Variants in KCNJ12 observed in about 807,000 individuals in gnomAD.
KCNJ12 encodes the protein ATP-sensitive inward rectifier potassium channel 12.
In KCNJ12, 2 loss-of-function variants were observed where a neutral mutation model predicts 22.3. The observed-to-expected ratio is 0.09, with a 90% CI of 0.04 to 0.28. KCNJ12 has a LOEUF of 0.28. KCNJ12 is among the 10% of genes least tolerant of loss of function. The probability of loss-of-function intolerance (pLI) is 1.00; values close to 1 mark genes in which losing one functional copy is unlikely to be tolerated. For synonymous variants in KCNJ12, 117 were observed against 261.4 expected (o/e 0.45, Z 5.33); for missense variants, 155 against 633.3 (o/e 0.24, Z 8.11).
chr17:21,403,800 TA>T (rs1244116340), intron 1 of KCNJ12, among the ~76,000 whole-genome samples: 1 of 152,312 alleles, frequency 6.6e-6, no homozygotes, highest in Non-Finnish European at 1.5e-5. Context: ...AGATAGGTGC[TA>T]TGATTAGTTC....
At chr17:21,378,957 C>T (rs1295303834) in intron 1 of KCNJ12, among the ~76,000 whole-genome samples, 6 of 152,164 alleles carry the variant, frequency 3.9e-5, no homozygotes, top group Non-Finnish European at 7.4e-5. Context: ...GGGGTATTGC[C>T]TAAAACCATG....
intron 1 of KCNJ12, among the ~76,000 whole-genome samples, chr17:21,391,185 C>T (rs1419901809): frequency 2.6e-5 from 4 of 152,244 alleles, no homozygotes; most frequent in African/African-American, 4.8e-5. Context: ...GATGGACACA[C>T]TCTGCCTGCC....
chr17:21,380,398 C>T (rs959514469), intron 1 of KCNJ12, among the ~76,000 whole-genome samples: 17 of 152,100 alleles, frequency 1.1e-4, no homozygotes, highest in African/African-American at 2.4e-4. Flanking sequence ...GCATTGCATA[C>T]GGGGAGACCC....
Position 21,380,052 on chromosome 17 carries a change from C to T in KCNJ12, c.-179+3139C>T, listed in dbSNP as rs185642248. ...TTTCCCAGGGACAGAACTGCACCTT[C>T]CCCCATTCCACAGACACACCCCTCA... On this transcript the variant is annotated intron_variant, in intron 1 of 2. Coordinates refer to ENST00000583088, the MANE Select transcript of KCNJ12 (RefSeq NM_021012.5). Among the ~76,000 whole-genome samples, 61 of 152,278 alleles carry T rather than the reference C, an allele frequency of 4.0e-4. No individual in the cohort carries two copies. The East Asian group carries it at 0.011, about 28-fold the overall frequency.
intron 1 of KCNJ12, among the ~76,000 whole-genome samples, chr17:21,392,230 C>G (rs1293876538): frequency 6.6e-6 from 1 of 152,212 alleles, no homozygotes; most frequent in Non-Finnish European, 1.5e-5. Context: ...GACCACTGGA[C>G]CACTGGACCT....
rs1452135964 is a variant in KCNJ12, at chr17:21,418,321, G to T, written c.*1677G>T. The T allele has an allele frequency of 6.0e-6, 1 of 166,646 alleles. No homozygotes were observed. Among genetic ancestry groups the T allele is most frequent in the Non-Finnish European group, 1.5e-5 (1 of 68,136 alleles). 10.3% of individuals were successfully genotyped at this position (166,646 alleles called of 1,614,324 possible). ...CAGAGCCAGAAGGCACCCCGAGACA[G>T]CTCAGAGCCAGAAGGCACCCCGAGA... On this transcript the variant is annotated 3_prime_UTR_variant, in exon 3 of 3. Coordinates refer to ENST00000583088, the MANE Select transcript of KCNJ12 (RefSeq NM_021012.5).
chr17:21,391,889 G>A (rs1172804574), intron 1 of KCNJ12, among the ~76,000 whole-genome samples: 2 of 152,224 alleles, frequency 1.3e-5, no homozygotes, highest in Non-Finnish European at 2.9e-5. Flanking sequence ...GCCAGTGGGT[G>A]GGAGGGCCAA....
chr17:21,386,599 C>T (rs1025695711), intron 1 of KCNJ12, among the ~76,000 whole-genome samples: 2 of 152,092 alleles, frequency 1.3e-5, no homozygotes, highest in Non-Finnish European at 2.9e-5. Context: ...CCTCCACCTG[C>T]CAGGTTCAAG....
In KCNJ12 at chr17:21,405,846, G is replaced by A. The variant is rs1265807455; in HGVS notation, c.-178-2673G>A. ...TGGAAGGCTGGCTCCTGTTTGCAGG[G>A]TCCTGCCCTGCACTGTGACTTCAGG... On this transcript the variant is annotated intron_variant, in intron 1 of 2. Coordinates refer to ENST00000583088, the MANE Select transcript of KCNJ12 (RefSeq NM_021012.5). 3.3e-5 allele frequency among the ~76,000 whole-genome samples: 5 copies of A among 152,428 alleles called. No homozygotes were observed. In the East Asian group the frequency reaches 9.6e-4, roughly 29 times the overall value.
chr17:21,414,689 G>A (rs1213386909), intron 2 of KCNJ12, among the ~76,000 whole-genome samples: 246 of 151,830 alleles, frequency 1.6e-3, no homozygotes, highest in African/African-American at 5.7e-3. Flanking sequence ...AAGGTGGCGA[G>A]GCAGTGGCAG....
Position 21,416,931 on chromosome 17 carries a change from G to A in KCNJ12, c.*287G>A. 2 of 522,840 alleles carry A rather than the reference G, an allele frequency of 3.8e-6. No individual in the cohort carries two copies. The highest frequency in any genetic ancestry group is 6.8e-6 in the Non-Finnish European group (2 of 292,876). 32.4% of individuals were successfully genotyped at this position (522,840 alleles called of 1,614,324 possible). Reference sequence around the variant, plus strand: ...AGGGCTTCTGCCTGAAGATGGAGCTGCAGCCTGCGGGGAAGCAGCTCAGCT... The same window carrying A: ...AGGGCTTCTGCCTGAAGATGGAGCTACAGCCTGCGGGGAAGCAGCTCAGCT... On this transcript the variant is annotated 3_prime_UTR_variant, in exon 3 of 3. Transcript: ENST00000583088.
chr17:21,382,467 C>T (rs1261376347), intron 1 of KCNJ12, among the ~76,000 whole-genome samples: 1 of 151,158 alleles, frequency 6.6e-6, no homozygotes, highest in Non-Finnish European at 1.5e-5. Flanking sequence ...AGTTTCATGT[C>T]AATGCATTTC....
At chr17:21,402,341 C>T (rs1905664965) in intron 1 of KCNJ12, among the ~76,000 whole-genome samples, 1 of 412 alleles carries the variant, frequency 2.4e-3, no homozygotes, top group South Asian at 0.05. Flanking sequence ...CTTTTTTTTT[C>T]CTCAGCCTGT....
At chr17:21,405,982 C>T (rs1905904368) in intron 1 of KCNJ12, among the ~76,000 whole-genome samples, 3 of 152,294 alleles carry the variant, frequency 2.0e-5, no homozygotes, top group South Asian at 4.1e-4. Context: ...GGGGAATGCC[C>T]CTTCCAGGTA....
intron 1 of KCNJ12, among the ~76,000 whole-genome samples, chr17:21,379,922 C>T (rs1555557731): frequency 6.6e-6 from 1 of 152,114 alleles, no homozygotes; most frequent in Admixed American, 6.5e-5. Context: ...TAATGGCCTG[C>T]CAGTGCAGAG....
intron 1 of KCNJ12, among the ~76,000 whole-genome samples, chr17:21,380,232 G>T (rs868990248): frequency 1.4e-4 from 21 of 152,218 alleles, no homozygotes; most frequent in Admixed American, 9.8e-4. Context: ...GTAAATGCTC[G>T]ATGATTCCAT....
chr17:21,407,686 T>C (rs1906042283), intron 1 of KCNJ12, among the ~76,000 whole-genome samples: 1 of 151,730 alleles, frequency 6.6e-6, no homozygotes, highest in Admixed American at 6.6e-5. Context: ...CTTCTGTTCA[T>C]CCATCCATCC....
chr17:21,414,612 G>T (rs1255470801), intron 2 of KCNJ12, among the ~76,000 whole-genome samples: 2 of 152,292 alleles, frequency 1.3e-5, no homozygotes, highest in African/African-American at 2.4e-5. Context: ...CTTAGAAGGG[G>T]CAGTGCTGTG....
chr17:21,382,593 C>A (rs1904907244), intron 1 of KCNJ12, among the ~76,000 whole-genome samples: 1 of 152,208 alleles, frequency 6.6e-6, no homozygotes, highest in Non-Finnish European at 1.5e-5. Flanking sequence ...CAGTGATCAC[C>A]TCTGCAACTA....
Sources: gnomAD v4.1 joint callset for allele counts (sites outside exome capture counted in the v4.1 genomes callset) on GRCh38, gnomAD v4.1.1 for gene constraint, MANE v1.5 for transcripts, NCBI Gene and HGNC (gene_info 2026-07-23, HGNC 2026-07-21) for gene names.